The following CACNA2D2 variants were observed in gnomAD, a reference collection of about 807,000 sequenced individuals.
The protein encoded by CACNA2D2 is calcium voltage-gated channel auxiliary subunit alpha2delta 2, also known as voltage-dependent calcium channel subunit alpha-2/delta-2.
Under a neutral mutation model 166.4 loss-of-function variants are expected in CACNA2D2, and 48 were observed. That is an observed-to-expected ratio of 0.29 (90% CI 0.23 to 0.37). The LOEUF is 0.37. Among genes scored for constraint, CACNA2D2 ranks in the 10% least tolerant of loss-of-function variants. The probability of loss-of-function intolerance (pLI) is 1.00; values close to 1 mark genes in which losing one functional copy is unlikely to be tolerated. For missense variants in CACNA2D2, 1,122 were observed against 1,433.0 expected, an observed-to-expected ratio of 0.78 and a Z score of 3.50; for synonymous variants, 561 against 573.7, an observed-to-expected ratio of 0.98 and a Z score of 0.32.
intron 1 of CACNA2D2, among the ~76,000 whole-genome samples, chr3:50,488,830 C>G (rs1221422643): frequency 6.6e-6 from 1 of 151,516 alleles, no homozygotes; most frequent in East Asian, 1.9e-4. Flanking sequence ...CTCCCGAGTA[C>G]CTGGGACTAC....
Position 50,366,376 on chromosome 3 carries a change from CTGGG to C in CACNA2D2, c.2638-42_2638-39del. On this transcript the variant is annotated intron_variant, in intron 30 of 37. Transcript: ENST00000424201. This position sits in a 1 kb window ranked among gnomAD's most constrained non-coding sequence, Gnocchi z 5.9. ...GAATGGGGAGGAAAATGGAGAGGGG[CTGGG>C]CCCCGGACCTTCCACCGCAGGCAGT... 1.9e-6 allele frequency: 3 copies of C among 1,605,644 alleles called. No individual in the cohort carries two copies. Among genetic ancestry groups the C allele is most frequent in the Non-Finnish European group, 2.6e-6 (3 of 1,172,470 alleles).
At chr3:50,404,324 C>T (rs766005577) in intron 3 of CACNA2D2, among the ~76,000 whole-genome samples, 1 of 152,184 alleles carries the variant, frequency 6.6e-6, no homozygotes, top group Non-Finnish European at 1.5e-5. Context: ...TCCAGGACCA[C>T]AACTCCACTC....
intron 5 of CACNA2D2, among the ~76,000 whole-genome samples, chr3:50,386,386 T>G (rs377601591): frequency 9.8e-5 from 15 of 152,346 alleles, no homozygotes; most frequent in East Asian, 9.6e-4. Context: ...GTCTCCTGGT[T>G]TATATTTAAT....
chr3:50,462,090 T>A (rs1474019747), intron 2 of CACNA2D2, among the ~76,000 whole-genome samples: 1 of 151,892 alleles, frequency 6.6e-6, no homozygotes, highest in African/African-American at 2.4e-5. Context: ...ACTAAACAAA[T>A]AAACTAACAA....
rs775480364 is a variant in CACNA2D2 at position 50,377,969 on chromosome 3, G to A, written c.1479+39C>T. On this transcript the variant is annotated intron_variant, in intron 15 of 37. Coordinates refer to ENST00000424201, the MANE Select transcript of CACNA2D2 (RefSeq NM_006030.4). ...CCCTGTGGGCACATCTCCGGGGGAAGGGTGCCAGCCCCACCCCTTCCTTGT... is the reference window on the plus strand; with the variant it reads ...CCCTGTGGGCACATCTCCGGGGGAAAGGTGCCAGCCCCACCCCTTCCTTGT... 6.9e-6 allele frequency: 11 copies of A among 1,591,512 alleles called. No homozygotes were observed. In the East Asian group the frequency reaches 2.2e-4, roughly 32 times the overall value.
chr3:50,474,678 G>A (rs1271198075), intron 2 of CACNA2D2, among the ~76,000 whole-genome samples: 5 of 152,184 alleles, frequency 3.3e-5, no homozygotes, highest in Admixed American at 6.5e-5. Context: ...CTTATGTCCC[G>A]ATATGAAACT....
chr3:50,403,457 C>G (rs1291172976), intron 3 of CACNA2D2, among the ~76,000 whole-genome samples: 1 of 152,184 alleles, frequency 6.6e-6, no homozygotes, highest in Admixed American at 6.5e-5. Flanking sequence ...TTGTTCATTA[C>G]CCCCCTGCAG....
intron 2 of CACNA2D2, among the ~76,000 whole-genome samples, chr3:50,450,781 C>T (rs1354477241): frequency 2.6e-5 from 4 of 152,284 alleles, no homozygotes; most frequent in Admixed American, 1.3e-4. Context: ...GCCTCCCCTC[C>T]CTGCCCACAG....
At chr3:50,446,074 C>T (rs1708832540) in intron 2 of CACNA2D2, among the ~76,000 whole-genome samples, 1 of 152,242 alleles carries the variant, frequency 6.6e-6, no homozygotes, top group African/African-American at 2.4e-5. Flanking sequence ...GATGGCCCGG[C>T]CACACTGGCA....
intron 1 of CACNA2D2, among the ~76,000 whole-genome samples, chr3:50,479,357 C>T (rs1697945057): frequency 6.6e-6 from 1 of 152,144 alleles, no homozygotes; most frequent in Non-Finnish European, 1.5e-5. Flanking sequence ...GGGCAGACCC[C>T]AAGCCCTAGC....
chr3:50,439,562 C>T (rs938269321), intron 2 of CACNA2D2, among the ~76,000 whole-genome samples: 14 of 152,358 alleles, frequency 9.2e-5, no homozygotes, highest in African/African-American at 3.1e-4. Context: ...ATCCCCTCAC[C>T]ACATTTCACC....
At chr3:50,445,515 AT>A (rs1407769788) in intron 2 of CACNA2D2, among the ~76,000 whole-genome samples, 5 of 152,070 alleles carry the variant, frequency 3.3e-5, no homozygotes. Context: ...CCTACTTCCA[AT>A]TTTTAGGCTC....
chr3:50,365,634 T>G lies in CACNA2D2; in HGVS notation c.2970A>C (p.Ala990=). The G allele has an allele frequency of 6.3e-7, 1 of 1,577,632 alleles. No individual in the cohort carries two copies. The highest frequency in any genetic ancestry group is 8.6e-7 in the Non-Finnish European group (1 of 1,161,632). ...AGGCGCCTCCAAAGCCCTACCTACC[T>G]GCTTGGAACCAGCTGTGGTAGATGA... ...YGLIYHSWFQ[A]DPAEAEGSPE... is the part of the protein sequence containing the mutation. The change falls in exon 34 of 38, where the codon GCA becomes GCC. Residue 990 remains alanine, a splice_region_variant and synonymous_variant. Coordinates refer to ENST00000424201, the MANE Select transcript of CACNA2D2 (RefSeq NM_006030.4). This position sits in a 1 kb window ranked among gnomAD's most constrained non-coding sequence, Gnocchi z 4.5.
chr3:50,452,231 C>T (rs1380865540), intron 2 of CACNA2D2, among the ~76,000 whole-genome samples: 1 of 152,194 alleles, frequency 6.6e-6, no homozygotes, highest in East Asian at 1.9e-4. Context: ...TTGGCTCAGG[C>T]TTGAGAATGC....
chr3:50,391,499 G>A (rs372045741), intron 4 of CACNA2D2, among the ~76,000 whole-genome samples: 1 of 152,368 alleles, frequency 6.6e-6, no homozygotes, highest in African/African-American at 2.4e-5. Flanking sequence ...ACCTGTGGGG[G>A]CATGGGAGGC....
rs772333671 is a variant in CACNA2D2, at chr3:50,365,080, G to A, written c.3203C>T (p.Thr1068Met). ...GGAGGGCGGGGGCAGGATACAGTGCGTCTCCTTCTGCAGCAGCCGGCCAGC... is the reference window on the plus strand; with the variant it reads ...GGAGGGCGGGGGCAGGATACAGTGCATCTCCTTCTGCAGCAGCCGGCCAGC... ...CEAGRLLQKE[T>M]HSDGPEQCEL... Residue 1068 changes from threonine to methionine, a missense_variant, in exon 36 of 38, where the codon ACG becomes ATG. By Grantham distance (81) the Thr-to-Met change is moderately conservative. This residue lies in a region of CACNA2D2 where 282 missense variants were observed against 266.2 expected (regional missense o/e 1.06). Transcript: ENST00000424201. This position sits in a 1 kb window ranked among gnomAD's most constrained non-coding sequence, Gnocchi z 4.5. 2 of 1,611,080 alleles carry A rather than the reference G, an allele frequency of 1.2e-6. No homozygotes were observed. Among genetic ancestry groups the A allele is most frequent in the South Asian group, 2.2e-5 (2 of 91,048 alleles).
In CACNA2D2 at chr3:50,380,899, G is replaced by A; in HGVS notation, c.785-94C>T. 1 of 1,559,446 alleles carries A rather than the reference G, an allele frequency of 6.4e-7. No homozygotes were observed. Among genetic ancestry groups the A allele is most frequent in the Non-Finnish European group, 8.7e-7 (1 of 1,147,782 alleles). On this transcript the variant is annotated intron_variant, in intron 7 of 37. Coordinates refer to ENST00000424201, the MANE Select transcript of CACNA2D2 (RefSeq NM_006030.4). This position sits in a 1 kb window ranked among gnomAD's most constrained non-coding sequence, Gnocchi z 4.9. ...GGCGACTGGGCTGCCACAGACTACA[G>A]AGAAGCCACCCCGCCCCATGCCCCC...
In CACNA2D2 at chr3:50,366,510, G is replaced by T; in HGVS notation, c.2637+68C>A. ...CAGGCCAAGGGATGTGCTGGGAGTC[G>T]CGGCTGGGACTAGGAAGTCTGGAAG... is the stretch of plus-strand genomic sequence containing the variant. On this transcript the variant is annotated intron_variant, in intron 30 of 37. Coordinates refer to ENST00000424201, the MANE Select transcript of CACNA2D2 (RefSeq NM_006030.4). The surrounding 1 kb of genome is among the most constrained non-coding windows in gnomAD (Gnocchi z 5.9). 6.4e-7 allele frequency: 1 copy of T among 1,562,796 alleles called. No individual in the cohort carries two copies. The highest frequency in any genetic ancestry group is 1.1e-5 in the South Asian group (1 of 90,062).
chr3:50,453,835 G>A lies in CACNA2D2; in HGVS notation c.289-19406C>T, dbSNP rs182343483. Among the ~76,000 whole-genome samples, 425 of 152,296 alleles carry A rather than the reference G, an allele frequency of 2.8e-3. 7 individuals carry two copies. Among genetic ancestry groups the A allele is most frequent in the African/African-American group, 9.3e-3 (385 of 41,564 alleles). ...ACTGCAGGAAGAGGGAATGGTGAGG[G>A]CCACGGCTGGGAGGTAGGCTAATGT... is the stretch of plus-strand genomic sequence containing the variant. On this transcript the variant is annotated intron_variant, in intron 2 of 37. Transcript: ENST00000424201.
Sources: allele counts gnomAD v4.1 joint callset (sites outside exome capture counted in the v4.1 genomes callset), GRCh38; gene constraint gnomAD v4.1.1; regional missense constraint gnomAD v4.1.1; non-coding constraint Gnocchi (gnomAD v3.1); transcripts MANE v1.5; gene names NCBI Gene and HGNC (gene_info 2026-07-23, HGNC 2026-07-21).